Variants in ELK3 observed in about 807,000 individuals in gnomAD.
The protein encoded by ELK3 is ETS transcription factor ELK3, also known as ETS domain-containing protein Elk-3.
ELK3 carries 10 observed loss-of-function variants against 28.9 expected under a neutral mutation model. The observed-to-expected ratio is 0.35, with a 90% CI of 0.21 to 0.59. The LOEUF (loss-of-function observed/expected upper bound fraction) is 0.59. Among genes scored for constraint, ELK3 ranks in the 20% least tolerant of loss-of-function variants. ELK3 has a pLI of 0.82. For missense variants in ELK3, 463 were observed against 517.3 expected (o/e 0.90, Z 1.02); for synonymous variants, 272 against 243.5 (o/e 1.12, Z -1.09).
At position 96,224,039 on chromosome 12, in the gene ELK3, A is replaced by C. The variant is rs572432291; in HGVS notation, c.207+266A>C. 2.3e-5 allele frequency: 10 copies of C among 432,796 alleles called. No homozygotes were observed. In the East Asian group the frequency reaches 4.3e-4, roughly 18 times the overall value. 26.8% of individuals were successfully genotyped at this position (432,796 alleles called of 1,614,324 possible). On this transcript the variant is annotated intron_variant, in intron 2 of 4. Coordinates refer to ENST00000228741, the MANE Select transcript of ELK3 (RefSeq NM_005230.4). ...AAGAACTTTGCTCACAATACAAATG[A>C]GATGCAGGCAGGCTCTGGGGCTTTC...
intron 2 of ELK3, among the ~76,000 whole-genome samples, chr12:96,224,304 A>C (rs920190811): frequency 6.6e-6 from 1 of 152,058 alleles, no homozygotes; most frequent in Non-Finnish European, 1.5e-5. Flanking sequence ...GAGCCATTAC[A>C]TGTAAGTACT....
chr12:96,203,302 G>A (rs1951518174), intron 1 of ELK3, among the ~76,000 whole-genome samples: 2 of 152,216 alleles, frequency 1.3e-5, no homozygotes, highest in South Asian at 4.1e-4. Flanking sequence ...CATCCCTCAT[G>A]ATCTGAAGTT....
chr12:96,247,216 A>G lies in ELK3; in HGVS notation c.484A>G (p.Lys162Glu). 1 of 1,614,230 alleles carries G rather than the reference A, an allele frequency of 6.2e-7. No homozygotes were observed. Among genetic ancestry groups the G allele is most frequent in the Non-Finnish European group, 8.5e-7 (1 of 1,180,034 alleles). The change falls in exon 3 of 5, where the codon AAG becomes GAG. Residue 162 changes from lysine (K) to glutamate (E), a missense_variant. By Grantham distance (56) the Lys-to-Glu change is moderately conservative (BLOSUM62 1). Transcript: ENST00000228741. This position sits in a 1 kb window ranked among gnomAD's most constrained non-coding sequence, Gnocchi z 5.5. ...CCCACCAGACGCCTTCAAGGCCATC[A>G]AGACGGAGAAGCTGGAGGAGCCGCC... is the stretch of plus-strand genomic sequence containing the variant. ...QNPPDAFKAI[K>E]TEKLEEPPED...
At chr12:96,251,938 C>T (rs752389027) in intron 3 of ELK3, among the ~76,000 whole-genome samples, 2 of 152,236 alleles carry the variant, frequency 1.3e-5, no homozygotes, top group African/African-American at 2.4e-5. Flanking sequence ...AAGGTGGCTA[C>T]GTCAAACAGC....
At chr12:96,216,727 T>C (rs1257182579) in intron 1 of ELK3, among the ~76,000 whole-genome samples, 1 of 152,222 alleles carries the variant, frequency 6.6e-6, no homozygotes, top group African/African-American at 2.4e-5. Flanking sequence ...AGTGCATTAT[T>C]AGTAACTTCT....
intron 3 of ELK3, among the ~76,000 whole-genome samples, chr12:96,258,821 CAAGA>C (rs1951970952): frequency 6.6e-6 from 1 of 152,142 alleles, no homozygotes; most frequent in Admixed American, 6.5e-5. Flanking sequence ...CCCAATCTGA[CAAGA>C]AAGGGCCCTC....
chr12:96,264,764 G>A (rs752430727), intron 4 of ELK3, among the ~76,000 whole-genome samples: 3 of 152,166 alleles, frequency 2.0e-5, no homozygotes, highest in Non-Finnish European at 2.9e-5. Context: ...AAACCTGGGC[G>A]ACAGAGTGAT....
At chr12:96,260,916 A>C (rs1162769660) in intron 4 of ELK3, among the ~76,000 whole-genome samples, 2 of 152,144 alleles carry the variant, frequency 1.3e-5, no homozygotes, top group African/African-American at 4.8e-5. Flanking sequence ...CTTTCTCACT[A>C]AACTATGGGC....
chr12:96,259,840 G>T lies in ELK3; in HGVS notation c.1112G>T (p.Ser371Ile). 6.2e-7 allele frequency: 1 copy of T among 1,602,394 alleles called. No homozygotes were observed. Reference protein sequence around the residue: ...PLSPARLQGPSTLFQFPTLLN... With the variant: ...PLSPARLQGPITLFQFPTLLN... ...AGTCCTGCCAGGCTGCAAGGGCCAA[G>T]CACGCTGTTCCAGGTGAGCGTTTGG... Residue 371 changes from serine (S) to isoleucine (I), a missense_variant, in exon 4 of 5, where the codon AGC becomes ATC. Ser to Ile is a moderately radical substitution (Grantham distance 142, BLOSUM62 -2). Transcript: ENST00000228741.
At chr12:96,257,904 A>G (rs1227385381) in intron 3 of ELK3, among the ~76,000 whole-genome samples, 1 of 152,224 alleles carries the variant, frequency 6.6e-6, no homozygotes, top group Non-Finnish European at 1.5e-5. Context: ...CTTTCAATTA[A>G]TTACCAATCC....
chr12:96,242,648 C>T (rs916107810), intron 2 of ELK3, among the ~76,000 whole-genome samples: 3 of 151,984 alleles, frequency 2.0e-5, no homozygotes, highest in Non-Finnish European at 4.4e-5. Context: ...CCAGGTTGTT[C>T]CTAATCCTCC....
chr12:96,246,180 T>G (rs1033927227), intron 2 of ELK3, among the ~76,000 whole-genome samples: 2 of 152,220 alleles, frequency 1.3e-5, no homozygotes, highest in Non-Finnish European at 2.9e-5. Flanking sequence ...AAGACAATAC[T>G]GTGTTATGGT....
chr12:96,233,527 T>G (rs1190813651), intron 2 of ELK3, among the ~76,000 whole-genome samples: 6 of 152,236 alleles, frequency 3.9e-5, no homozygotes, highest in African/African-American at 1.4e-4. Context: ...TGGCAACCTA[T>G]TCCTGGAATT....
intron 1 of ELK3, among the ~76,000 whole-genome samples, chr12:96,202,723 C>T (rs956634275): frequency 4.6e-5 from 7 of 151,902 alleles, no homozygotes; most frequent in African/African-American, 1.5e-4. Flanking sequence ...GACAGGGTTT[C>T]GCCATGTTGG....
chr12:96,231,550 T>G (rs943589152), intron 2 of ELK3, among the ~76,000 whole-genome samples: 4 of 152,202 alleles, frequency 2.6e-5, no homozygotes, highest in African/African-American at 7.2e-5. Context: ...TGGAGTGCAG[T>G]GGCGCGATCT....
chr12:96,213,513 G>A (rs959764183), intron 1 of ELK3, among the ~76,000 whole-genome samples: 5 of 152,050 alleles, frequency 3.3e-5, no homozygotes, highest in Admixed American at 6.5e-5. Flanking sequence ...GGAAAAAGTC[G>A]AATGGTTGTA....
At chr12:96,228,677 C>T (rs1351092742) in intron 2 of ELK3, among the ~76,000 whole-genome samples, 1 of 152,124 alleles carries the variant, frequency 6.6e-6, no homozygotes, top group East Asian at 1.9e-4. Context: ...AATGACTCTC[C>T]CTCACCGCTC....
At position 96,210,764 on chromosome 12, in the gene ELK3, A is replaced by G. The variant is rs558504898; in HGVS notation, c.-2-12801A>G. 2.8e-4 allele frequency among the ~76,000 whole-genome samples: 43 copies of G among 152,354 alleles called. 1 individual carries two copies. Among genetic ancestry groups the G allele is most frequent in the Admixed American group, 2.3e-3 (35 of 15,300 alleles). Reference sequence around the variant, plus strand: ...AGGGCACTGGTTAACAAAATGGTGGATGGGGTGGATTCAAAGATTCTTTCT... The same window carrying G: ...AGGGCACTGGTTAACAAAATGGTGGGTGGGGTGGATTCAAAGATTCTTTCT... On this transcript the variant is annotated intron_variant, in intron 1 of 4. Transcript: ENST00000228741.
intron 3 of ELK3, among the ~76,000 whole-genome samples, chr12:96,254,568 A>G (rs375978922): frequency 6.6e-6 from 1 of 152,132 alleles, no homozygotes; most frequent in Non-Finnish European, 1.5e-5. Context: ...CTGAGGGGCA[A>G]GATCGTTTAG....
Sources: allele counts gnomAD v4.1 joint callset (sites outside exome capture counted in the v4.1 genomes callset), GRCh38; gene constraint gnomAD v4.1.1; non-coding constraint Gnocchi (gnomAD v3.1); transcripts MANE v1.5; gene names NCBI Gene and HGNC (gene_info 2026-07-23, HGNC 2026-07-21).